Variants in GLIS3 observed in about 807,000 individuals in gnomAD.
The protein encoded by GLIS3 is GLIS family zinc finger 3.
In GLIS3, 53 loss-of-function variants were observed where a neutral mutation model predicts 78.6. That is an observed-to-expected ratio of 0.67 (90% CI 0.54 to 0.85). The LOEUF (loss-of-function observed/expected upper bound fraction) is 0.85, where lower values mean the gene tolerates loss of function less well. Among genes scored for constraint, GLIS3 ranks in the 40% least tolerant of loss-of-function variants. The pLI, the probability that GLIS3 is intolerant of heterozygous loss-of-function variation, is 0.00. For synonymous variants in GLIS3, 684 were observed against 509.9 expected (o/e 1.34, Z -4.60); for missense variants, 1,703 against 1,231.1 (o/e 1.38, Z -5.74).
chr9:4,083,517 G>A lies in GLIS3; in HGVS notation c.1710+34251C>T, dbSNP rs143720359. Among the ~76,000 whole-genome samples the A allele has an allele frequency of 1.2e-4, 19 of 152,212 alleles. No individual in the cohort carries two copies. The East Asian group carries it at 3.1e-3, about 25-fold the overall frequency. On this transcript the variant is annotated intron_variant, in intron 4 of 10. Coordinates refer to ENST00000381971, the MANE Select transcript of GLIS3 (RefSeq NM_001042413.2). ...TGTTGTTCAATTCTCCCATTCTATGGGTAAAAATACCTGAGAAATTGAAAC... is the reference window on the plus strand; with the variant it reads ...TGTTGTTCAATTCTCCCATTCTATGAGTAAAAATACCTGAGAAATTGAAAC...
chr9:4,319,332 T>TG (rs1817485910), intron 2 of GLIS3, among the ~76,000 whole-genome samples: 1 of 152,160 alleles, frequency 6.6e-6, no homozygotes, highest in African/African-American at 2.4e-5. Flanking sequence ...ATGATCCAGA[T>TG]GGGGGAGCAG....
chr9:4,008,410 G>T (rs1821731234), intron 4 of GLIS3, among the ~76,000 whole-genome samples: 1 of 152,150 alleles, frequency 6.6e-6, no homozygotes, highest in Non-Finnish European at 1.5e-5. Context: ...GCACCAAAGT[G>T]AAGAGGAGGA....
chr9:4,269,917 A>G (rs958768888), intron 2 of GLIS3, among the ~76,000 whole-genome samples: 4 of 152,192 alleles, frequency 2.6e-5, no homozygotes, highest in African/African-American at 7.2e-5. Flanking sequence ...GAGTACCTAT[A>G]AATACTTAAA....
chr9:3,889,186 G>GC (rs1379140769), intron 7 of GLIS3, among the ~76,000 whole-genome samples: 2 of 152,128 alleles, frequency 1.3e-5, no homozygotes, highest in Non-Finnish European at 2.9e-5. Flanking sequence ...CTAGAATGGA[G>GC]CCCCACCTGT....
At chr9:3,863,883 C>G (rs1820398833) in intron 8 of GLIS3, among the ~76,000 whole-genome samples, 1 of 151,908 alleles carries the variant, frequency 6.6e-6, no homozygotes, top group Non-Finnish European at 1.5e-5. Flanking sequence ...CAGTGTTTCT[C>G]CCCTGTGGAA....
At chr9:3,924,699 G>A (rs1825109182) in intron 6 of GLIS3, among the ~76,000 whole-genome samples, 1 of 152,220 alleles carries the variant, frequency 6.6e-6, no homozygotes, top group African/African-American at 2.4e-5. Context: ...AGAGGGAGCA[G>A]TAATTGCACA....
chr9:4,175,855 C>G (rs974370390), intron 2 of GLIS3, among the ~76,000 whole-genome samples: 4 of 152,166 alleles, frequency 2.6e-5, no homozygotes, highest in African/African-American at 7.2e-5. Context: ...AAAGAAGTAT[C>G]ATCATCCTCA....
intron 2 of GLIS3, among the ~76,000 whole-genome samples, chr9:4,284,281 T>C (rs535330488): frequency 1.3e-5 from 2 of 152,320 alleles, no homozygotes; most frequent in African/African-American, 2.4e-5. Flanking sequence ...TGCTGAGTTA[T>C]GATACAATAA....
At chr9:4,424,888 C>G in the GLIS3 span, among the ~76,000 whole-genome samples, 1 of 150,918 alleles carries the variant, frequency 6.6e-6, no homozygotes, top group African/African-American at 2.4e-5. Flanking sequence ...TAGAGATTTT[C>G]TGATGAAAAG....
intron 2 of GLIS3, among the ~76,000 whole-genome samples, chr9:4,217,603 C>T (rs573394133): frequency 6.6e-6 from 1 of 152,268 alleles, no homozygotes; most frequent in Non-Finnish European, 1.5e-5. Flanking sequence ...CACAGTTATT[C>T]CTTCAAAAGA....
chr9:4,408,955 C>T, the GLIS3 span, among the ~76,000 whole-genome samples: 1 of 151,746 alleles, frequency 6.6e-6, no homozygotes, highest in South Asian at 2.1e-4. Context: ...ATATACCCCA[C>T]ACATACATAC....
chr9:4,230,936 G>A (rs986552418), intron 2 of GLIS3, among the ~76,000 whole-genome samples: 7 of 152,164 alleles, frequency 4.6e-5, no homozygotes, highest in African/African-American at 1.7e-4. Flanking sequence ...GCCAGGTGCA[G>A]TGGCTCACAT....
At chr9:4,210,186 G>T (rs1416382567) in intron 2 of GLIS3, among the ~76,000 whole-genome samples, 3 of 152,158 alleles carry the variant, frequency 2.0e-5, no homozygotes, top group Non-Finnish European at 4.4e-5. Flanking sequence ...TCCAGTAATA[G>T]AAGCCCCAAA....
At chr9:4,285,909 T>C (rs751852838) in intron 2 of GLIS3, 129 bp downstream of exon 2, 3 of 1,149,160 alleles carry the variant, frequency 2.6e-6, no homozygotes, top group Non-Finnish European at 3.9e-6. Flanking sequence ...CTATATATCA[T>C]TATGAGACCA....
chr9:4,076,040 C>T (rs1828025188), intron 4 of GLIS3, among the ~76,000 whole-genome samples: 1 of 152,168 alleles, frequency 6.6e-6, no homozygotes, highest in South Asian at 2.1e-4. Flanking sequence ...CATATATTGA[C>T]TGTGGTGGTG....
chr9:4,192,985 A>T (rs1275724563), intron 2 of GLIS3, among the ~76,000 whole-genome samples: 1 of 152,244 alleles, frequency 6.6e-6, no homozygotes, highest in African/African-American at 2.4e-5. Context: ...ATGAACTGGC[A>T]AGCTATGATG....
At chr9:4,369,317 G>T in the GLIS3 span, among the ~76,000 whole-genome samples, 2 of 152,136 alleles carry the variant, frequency 1.3e-5, no homozygotes, top group East Asian at 3.9e-4. Flanking sequence ...CATCCACTTT[G>T]CTCTCTGACA....
At chr9:3,941,538 C>T (rs1023751594) in intron 4 of GLIS3, among the ~76,000 whole-genome samples, 2 of 152,138 alleles carry the variant, frequency 1.3e-5, no homozygotes, top group South Asian at 2.1e-4. Flanking sequence ...CCCTCGGTGG[C>T]CTCCTGACCC....
intron 4 of GLIS3, among the ~76,000 whole-genome samples, chr9:3,954,778 T>A (rs923026693): frequency 6.6e-6 from 1 of 152,202 alleles, no homozygotes; most frequent in South Asian, 2.1e-4. Context: ...TCTTTCAGGA[T>A]CTAGAGGATG....
Sources: gnomAD v4.1 joint callset for allele counts (sites outside exome capture counted in the v4.1 genomes callset) on GRCh38, gnomAD v4.1.1 for gene constraint, MANE v1.5 for transcripts, NCBI Gene and HGNC (gene_info 2026-07-23, HGNC 2026-07-21) for gene names.